CYP2A13: variants seen among roughly 807,000 people sequenced by gnomAD.
The protein encoded by CYP2A13 is cytochrome P450 2A13.
Under a neutral mutation model 39.4 loss-of-function variants are expected in CYP2A13, and 30 were observed. The observed-to-expected ratio is 0.76, with a 90% CI of 0.57 to 1.03. CYP2A13 has a LOEUF of 1.03. Ranked by LOEUF, CYP2A13 falls within the 50% of genes least tolerant of loss-of-function variation. CYP2A13 has a pLI of 0.00. For missense variants in CYP2A13, 731 were observed against 648.4 expected, an observed-to-expected ratio of 1.13 and a Z score of -1.38; for synonymous variants, 269 against 254.7, an observed-to-expected ratio of 1.06 and a Z score of -0.54.
chr19:41,089,019 C>G lies in CYP2A13; in HGVS notation c.271C>G (p.Leu91Val). Residue 91 changes from leucine (L) to valine (V), a missense_variant, in exon 2 of 9, where the codon CTG becomes GTG. Coordinates refer to ENST00000330436, the MANE Select transcript of CYP2A13 (RefSeq NM_000766.5). ...LCGHDAVKEA[L>V]VDQAEEFSGR... ...CGGACATGATGCCGTCAAGGAGGCT[C>G]TGGTGGACCAGGCTGAGGAGTTCAG... 1 of 1,613,794 alleles carries G rather than the reference C, an allele frequency of 6.2e-7. No individual in the cohort carries two copies. The highest frequency in any genetic ancestry group is 8.5e-7 in the Non-Finnish European group (1 of 1,179,856).
In CYP2A13 at chr19:41,093,858, C is replaced by T. The variant is rs982529899; in HGVS notation, c.973+87C>T. 5 of 1,496,646 alleles carry T rather than the reference C, an allele frequency of 3.3e-6. No individual in the cohort carries two copies. The African/African-American group carries it at 7.0e-5, about 21-fold the overall frequency. 92.7% of individuals were successfully genotyped at this position (1,496,646 alleles called of 1,614,324 possible). ...TGCAGTGTACCCACCTATCCCAGATCCCAGGACCCTGAGACGTGCCTTGCT... is the reference window on the plus strand; with the variant it reads ...TGCAGTGTACCCACCTATCCCAGATTCCAGGACCCTGAGACGTGCCTTGCT... On this transcript the variant is annotated intron_variant, in intron 6 of 8. Coordinates refer to ENST00000330436, the MANE Select transcript of CYP2A13 (RefSeq NM_000766.5).
chr19:41,093,696 T>C lies in CYP2A13; in HGVS notation c.898T>C (p.Phe300Leu). ...NLVMTTLNLF[F>L]AGTETVSTTL... ...GGTGATGACCACCCTGAACCTCTTC[T>C]TTGCGGGCACTGAGACCGTGAGCAC... Residue 300 changes from phenylalanine to leucine, a missense_variant, in exon 6 of 9, where the codon TTT (phenylalanine) becomes CTT (leucine). Coordinates refer to ENST00000330436, the MANE Select transcript of CYP2A13 (RefSeq NM_000766.5). 1.2e-6 allele frequency: 2 copies of C among 1,614,114 alleles called. No individual in the cohort carries two copies. The highest frequency in any genetic ancestry group is 2.7e-5 in the African/African-American group (2 of 75,032).
chr19:41,091,457 C>CT (rs1171899589), intron 4 of CYP2A13, among the ~76,000 whole-genome samples: 3 of 152,158 alleles, frequency 2.0e-5, no homozygotes. Flanking sequence ...ATCTGAACAC[C>CT]TAGATGTGTG....
chr19:41,094,525 ACT>A (rs2031260522), intron 7 of CYP2A13, 93 bp downstream of exon 7: 1 of 1,392,582 alleles, frequency 7.2e-7, no homozygotes, highest in African/African-American at 1.4e-5. Flanking sequence ...AGTGTTCTAG[ACT>A]CTGTCCCACT....
chr19:41,094,517 T>C (rs2031260320), intron 7 of CYP2A13, 85 bp downstream of exon 7: 1 of 1,486,796 alleles, frequency 6.7e-7, no homozygotes, highest in Non-Finnish European at 9.3e-7. Context: ...CCCCCATTAG[T>C]GTTCTAGACT....
At chr19:41,088,822 G>C in intron 1 of CYP2A13, 107 bp from the exon 2 acceptor site, 1 of 1,554,244 alleles carries the variant, frequency 6.4e-7, no homozygotes, top group South Asian at 1.2e-5. Context: ...CCAGCTCCCT[G>C]ACTGTGAGAA....
At chr19:41,091,064 G>A (rs3968432) in intron 4 of CYP2A13, among the ~76,000 whole-genome samples, 20,362 of 151,956 alleles carry the variant, frequency 0.13, 1,666 homozygotes, top group African/African-American at 0.22. Context: ...CCACTTAAAT[G>A]CCTGAAAACA....
At chr19:41,092,413 A>C (rs12459709) in intron 5 of CYP2A13, among the ~76,000 whole-genome samples, 1 of 151,308 alleles carries the variant, frequency 6.6e-6, no homozygotes, top group South Asian at 2.1e-4. Flanking sequence ...AGCACGACTT[A>C]TGCACGTGCA....
intron 8 of CYP2A13, 84 bp from the exon 9 acceptor site, chr19:41,095,676 A>C: frequency 3.2e-6 from 5 of 1,543,084 alleles, no homozygotes; most frequent in South Asian, 1.2e-5. Flanking sequence ...CCTCCTCCCT[A>C]GAGAGTGCAG....
chr19:41,088,492 T>C lies in CYP2A13; in HGVS notation c.21T>C (p.Leu7=). The C allele has an allele frequency of 6.2e-7, 1 of 1,613,874 alleles. No individual in the cohort carries two copies. Among genetic ancestry groups the C allele is most frequent in the Non-Finnish European group, 8.5e-7 (1 of 1,179,814 alleles). MLASGL[L]LVTLLACLTV... is the part of the protein sequence containing the mutation. Reference sequence around the variant, plus strand: ...CCACCATGCTGGCCTCAGGGCTGCTTCTGGTGACCTTGCTGGCCTGCCTGA... The same window carrying C: ...CCACCATGCTGGCCTCAGGGCTGCTCCTGGTGACCTTGCTGGCCTGCCTGA... Residue 7 remains leucine (L), a synonymous_variant, in exon 1 of 9, where the codon CTT becomes CTC. Transcript: ENST00000330436.
At position 41,090,075 on chromosome 19, in the gene CYP2A13, C is replaced by A. The variant is rs2031149422; in HGVS notation, c.372C>A (p.Ala124=). Residue 124 remains alanine, a synonymous_variant, in exon 3 of 9, where the codon GCC becomes GCA. Transcript: ENST00000330436. ...TGGCGTTCAGCAACGGGGAGCGCGC[C>A]AAGCAGCTCCGGCGCTTCTCCATCG... is the stretch of plus-strand genomic sequence containing the variant. ...YGVAFSNGER[A]KQLRRFSIAT... 1.2e-6 allele frequency: 2 copies of A among 1,612,964 alleles called. No homozygotes were observed. The highest frequency in any genetic ancestry group is 1.3e-5 in the African/African-American group (1 of 74,900).
Position 41,090,102 on chromosome 19 carries a change from C to T in CYP2A13, c.399C>T (p.Ala133=). The change falls in exon 3 of 9, where the codon GCC becomes GCT. Residue 133 remains alanine, a synonymous_variant. Coordinates refer to ENST00000330436, the MANE Select transcript of CYP2A13 (RefSeq NM_000766.5). ...RAKQLRRFSI[A]TLRGFGVGKR... Reference sequence around the variant, plus strand: ...AGCAGCTCCGGCGCTTCTCCATCGCCACCCTAAGGGGTTTTGGCGTGGGCA... The same window carrying T: ...AGCAGCTCCGGCGCTTCTCCATCGCTACCCTAAGGGGTTTTGGCGTGGGCA... The T allele has an allele frequency of 1.9e-6, 3 of 1,612,670 alleles. No individual in the cohort carries two copies. The highest frequency in any genetic ancestry group is 2.5e-6 in the Non-Finnish European group (3 of 1,179,368).
At chr19:41,090,608 C>T (rs760861386) in intron 4 of CYP2A13, 44 bp downstream of exon 4, 35 of 1,613,148 alleles carry the variant, frequency 2.2e-5, no homozygotes, top group Non-Finnish European at 2.8e-5. Context: ...CCACAACCTG[C>T]CAACTGCTCC....
In CYP2A13 at chr19:41,090,578, GC is replaced by G; in HGVS notation, c.654+17del. On this transcript the variant is annotated intron_variant, in intron 4 of 8. Transcript: ENST00000330436. ...TCCACGGGGCAGGTAACTGGCTGCA[GC>G]CCGCCAGTGACGCCCCTACCACAAC... The G allele has an allele frequency of 6.2e-7, 1 of 1,613,898 alleles. No homozygotes were observed. The highest frequency in any genetic ancestry group is 8.5e-7 in the Non-Finnish European group (1 of 1,179,884).
chr19:41,094,472 G>T, intron 7 of CYP2A13, 40 bp downstream of exon 7: 1 of 1,610,920 alleles, frequency 6.2e-7, no homozygotes, highest in Non-Finnish European at 8.5e-7. Flanking sequence ...AGACTACGGG[G>T]ACTTCCAGCC....
In CYP2A13 at chr19:41,095,805, TTCTC is replaced by T. The variant is rs1190406718; in HGVS notation, c.1351_1354del (p.Leu451SerfsTer38). On this transcript the variant is annotated frameshift_variant, in exon 9 of 9. Transcript: ENST00000330436. LOFTEE classifies it low-confidence loss of function (END_TRUNC). ...GAAGGCCTGGCCAGAATGGAGCTCT[TTCTC>T]TTCTTCACCACCATCATGCAGAACT... 6.2e-7 allele frequency: 1 copy of T among 1,614,018 alleles called. No individual in the cohort carries two copies. Among genetic ancestry groups the T allele is most frequent in the African/African-American group, 1.3e-5 (1 of 74,922 alleles).
Position 41,094,381 on chromosome 19 carries a change from G to C in CYP2A13, c.1110G>C (p.Leu370Phe), listed in dbSNP as rs757775990. Residue 370 changes from leucine to phenylalanine, a missense_variant, in exon 7 of 9, where the codon TTG (leucine) becomes TTC (phenylalanine). Transcript: ENST00000330436. The part of the protein sequence containing the change: ...QRFGDMLPMG[L>F]AHRVNKDTKF... ...TTGGAGACATGCTCCCCATGGGTTT[G>C]GCCCACAGGGTCAACAAGGACACCA... 1 of 1,614,022 alleles carries C rather than the reference G, an allele frequency of 6.2e-7. No individual in the cohort carries two copies. Among genetic ancestry groups the C allele is most frequent in the Non-Finnish European group, 8.5e-7 (1 of 1,179,990 alleles).
chr19:41,089,058 C>G lies in CYP2A13; in HGVS notation c.310C>G (p.Gln104Glu). Reference protein sequence around the residue: ...QAEEFSGRGEQATFDWLFKGY... With the variant: ...QAEEFSGRGEEATFDWLFKGY... The stretch of plus-strand genomic sequence containing the variant: ...TGAGGAGTTCAGCGGGCGAGGCGAG[C>G]AGGCCACCTTCGACTGGCTCTTCAA... The change falls in exon 2 of 9, where the codon CAG (glutamine) becomes GAG (glutamate). Residue 104 changes from glutamine to glutamate, a missense_variant. Coordinates refer to ENST00000330436, the MANE Select transcript of CYP2A13 (RefSeq NM_000766.5). 1 of 1,613,016 alleles carries G rather than the reference C, an allele frequency of 6.2e-7. No homozygotes were observed.
rs759923694 is a variant in CYP2A13 at position 41,088,686 on chromosome 19, G to A, written c.180+35G>A. On this transcript the variant is annotated intron_variant, in intron 1 of 8. Coordinates refer to ENST00000330436, the MANE Select transcript of CYP2A13 (RefSeq NM_000766.5). The stretch of plus-strand genomic sequence containing the variant: ...GGCAGGGAGATGGGTGGCACGGGGT[G>A]GGGGCTGCCCAGTTGGCTGGGGCTT... The A allele has an allele frequency of 7.5e-6, 12 of 1,596,164 alleles. 1 individual carries two copies. In the South Asian group the frequency reaches 9.2e-5, roughly 12 times the overall value.
Sources: allele counts gnomAD v4.1 joint callset (sites outside exome capture counted in the v4.1 genomes callset), GRCh38; gene constraint gnomAD v4.1.1; transcripts MANE v1.5; gene names NCBI Gene and HGNC (gene_info 2026-07-23, HGNC 2026-07-21).